SENP6: variants seen among roughly 807,000 people sequenced by gnomAD.
SENP6 encodes sentrin-specific protease 6.
A neutral mutation model predicts 134.5 loss-of-function variants in SENP6; 41 were observed. The observed-to-expected ratio is 0.30, with a 90% CI of 0.24 to 0.40. The LOEUF is 0.40. SENP6 is among the 10% of genes least tolerant of loss of function. The probability of loss-of-function intolerance (pLI) is 1.00; values close to 1 mark genes in which losing one functional copy is unlikely to be tolerated. For missense variants in SENP6, 1,248 were observed against 1,312.5 expected (o/e 0.95, Z 0.76); for synonymous variants, 395 against 429.8 (o/e 0.92, Z 1.00).
At chr6:75,656,430 A>C (rs1413324406) in intron 7 of SENP6, among the ~76,000 whole-genome samples, 1 of 152,096 alleles carries the variant, frequency 6.6e-6, no homozygotes, top group East Asian at 1.9e-4. Flanking sequence ...CCTAGCAAAA[A>C]TCACTTCTGT....
chr6:75,613,944 T>C (rs1235201162), intron 1 of SENP6, among the ~76,000 whole-genome samples: 1 of 152,256 alleles, frequency 6.6e-6, no homozygotes, highest in Non-Finnish European at 1.5e-5. Flanking sequence ...TTGATTGTTA[T>C]GTCCCATTTG....
At chr6:75,672,899 C>T (rs1400788649) in intron 11 of SENP6, among the ~76,000 whole-genome samples, 2 of 152,122 alleles carry the variant, frequency 1.3e-5, no homozygotes, top group Non-Finnish European at 2.9e-5. Flanking sequence ...GCAATCTCGG[C>T]TCACTGCAAG....
intron 6 of SENP6, among the ~76,000 whole-genome samples, chr6:75,643,653 C>T (rs530823688): frequency 3.9e-5 from 6 of 152,188 alleles, no homozygotes; most frequent in African/African-American, 1.2e-4. Flanking sequence ...ACCTGGGAGG[C>T]GAAGGTTGCA....
intron 12 of SENP6, 112 bp from the exon 13 acceptor site, chr6:75,675,748 C>T (rs1466730092): frequency 7.1e-6 from 7 of 990,114 alleles, no homozygotes; most frequent in Non-Finnish European, 1.1e-5. Flanking sequence ...ATTTATAGAG[C>T]ATAATAAATA....
At chr6:75,616,299 T>C (rs1327987010) in intron 1 of SENP6, among the ~76,000 whole-genome samples, 4 of 152,212 alleles carry the variant, frequency 2.6e-5, no homozygotes, top group Non-Finnish European at 4.4e-5. Flanking sequence ...TCAAGGACTT[T>C]TGAAGATTTT....
At chr6:75,629,540 TC>T (rs922492004) in intron 3 of SENP6, among the ~76,000 whole-genome samples, 9 of 152,162 alleles carry the variant, frequency 5.9e-5, no homozygotes, top group Non-Finnish European at 1.2e-4. Flanking sequence ...CCTCAGGTGA[TC>T]CGCCCACCTT....
chr6:75,681,679 A>C (rs544189266), intron 16 of SENP6, among the ~76,000 whole-genome samples: 5 of 152,240 alleles, frequency 3.3e-5, no homozygotes, highest in African/African-American at 1.2e-4. Context: ...AGCATCCATC[A>C]TAAAAATGTT....
chr6:75,710,520 TC>T (rs1221773642), intron 20 of SENP6, among the ~76,000 whole-genome samples: 1 of 152,140 alleles, frequency 6.6e-6, no homozygotes, highest in African/African-American at 2.4e-5. Context: ...TGCTTAATCT[TC>T]CAGTGAACAA....
chr6:75,707,368 T>TC (rs1775472959), intron 19 of SENP6, among the ~76,000 whole-genome samples: 2 of 136,412 alleles, frequency 1.5e-5, no homozygotes, highest in East Asian at 2.1e-4. Context: ...TTTTTTTTTT[T>TC]TTTTTTTTTT....
intron 16 of SENP6, among the ~76,000 whole-genome samples, chr6:75,692,463 CAT>C (rs1350898177): frequency 7.4e-6 from 1 of 135,536 alleles, no homozygotes; most frequent in Non-Finnish European, 1.6e-5. Flanking sequence ...TCTACAAAAA[CAT>C]ACAAAAAAAA....
At chr6:75,695,029 C>G (rs1458740089) in intron 16 of SENP6, among the ~76,000 whole-genome samples, 1 of 152,048 alleles carries the variant, frequency 6.6e-6, no homozygotes, top group Non-Finnish European at 1.5e-5. Flanking sequence ...CACTCGCCAC[C>G]ACACCCGGCT....
chr6:75,657,408 A>AG (rs1488749508), intron 7 of SENP6, among the ~76,000 whole-genome samples: 1 of 152,122 alleles, frequency 6.6e-6, no homozygotes, highest in African/African-American at 2.4e-5. Flanking sequence ...AGATCTCGGG[A>AG]GAAAAAAAGC....
chr6:75,641,560 ATGT>A (rs1206353268), intron 6 of SENP6, among the ~76,000 whole-genome samples: 8 of 152,158 alleles, frequency 5.3e-5, no homozygotes, highest in East Asian at 1.9e-4. Flanking sequence ...TGGCAGACAC[ATGT>A]TGTTCTTTTA....
At chr6:75,715,133 T>G (rs553443837) in intron 23 of SENP6, among the ~76,000 whole-genome samples, 1 of 152,208 alleles carries the variant, frequency 6.6e-6, no homozygotes, top group South Asian at 2.1e-4. Flanking sequence ...CAATAAAACT[T>G]TATTACAGAA....
intron 1 of SENP6, among the ~76,000 whole-genome samples, chr6:75,613,924 A>G (rs1561964554): frequency 6.6e-6 from 1 of 152,216 alleles, no homozygotes; most frequent in Non-Finnish European, 1.5e-5. Flanking sequence ...ATACAGAATG[A>G]TGTATTGCAT....
Position 75,713,822 on chromosome 6 carries a change from T to A in SENP6, c.3126T>A (p.Phe1042Leu). 1 of 1,570,774 alleles carries A rather than the reference T, an allele frequency of 6.4e-7. No individual in the cohort carries two copies. ...TATTGCAGTATGTAGAGAGCTTTTT[T>A]GAGGTGGGTTTCAATTTGTTGGATC... ...VYVLQYVESF[F>L]ENPILSFELP... Residue 1042 changes from phenylalanine to leucine, a missense_variant, in exon 23 of 24, where the codon TTT becomes TTA. Physicochemically the swap from Phe to Leu is conservative, Grantham distance 22 (BLOSUM62 0). Around this residue, in one of 3 missense-constraint regions of SENP6, gnomAD observed 386 missense variants for 395.0 expected, o/e 0.98. Coordinates refer to ENST00000447266, the MANE Select transcript of SENP6 (RefSeq NM_015571.4).
At chr6:75,623,467 T>C (rs1251430749) in intron 2 of SENP6, among the ~76,000 whole-genome samples, 1 of 152,228 alleles carries the variant, frequency 6.6e-6, no homozygotes, top group Non-Finnish European at 1.5e-5. Context: ...TACTTTCTTT[T>C]CATTAGCTAA....
intron 2 of SENP6, 79 bp from the exon 3 acceptor site, chr6:75,623,821 C>A: frequency 7.9e-7 from 1 of 1,259,598 alleles, no homozygotes; most frequent in Non-Finnish European, 1.1e-6. Flanking sequence ...ATTAGGTGAA[C>A]ATAGAGGATA....
intron 16 of SENP6, among the ~76,000 whole-genome samples, chr6:75,688,643 GAC>G (rs1367911850): frequency 6.6e-6 from 1 of 152,106 alleles, no homozygotes; most frequent in Non-Finnish European, 1.5e-5. Flanking sequence ...TAGCTGACCA[GAC>G]ACAGTGGCTC....
Sources: gnomAD v4.1 joint callset for allele counts (sites outside exome capture counted in the v4.1 genomes callset) on GRCh38, gnomAD v4.1.1 for gene constraint, gnomAD v4.1.1 regional missense constraint, MANE v1.5 for transcripts, NCBI Gene and HGNC (gene_info 2026-07-23, HGNC 2026-07-21) for gene names.